CHD2: variants seen among roughly 807,000 people sequenced by gnomAD.
The protein encoded by CHD2 is ATP-dependent chromatin remodeler CHD2.
A neutral mutation model predicts 243.9 loss-of-function variants in CHD2; 28 were observed. That is an observed-to-expected ratio of 0.11 (90% CI 0.09 to 0.16). The LOEUF is 0.16. CHD2 is among the 10% of genes least tolerant of loss of function. The pLI, the probability that CHD2 is intolerant of heterozygous loss-of-function variation, is 1.00. For synonymous variants in CHD2, 775 were observed against 779.0 expected (o/e 0.99, Z 0.09); for missense variants, 1,386 against 2,209.8 (o/e 0.63, Z 7.47).
intron 2 of CHD2, among the ~76,000 whole-genome samples, chr15:92,908,562 C>T (rs2052666014): frequency 1.3e-5 from 2 of 152,262 alleles, no homozygotes; most frequent in South Asian, 4.1e-4. Flanking sequence ...CTCTGTGTTT[C>T]AAATTTGCAT....
At chr15:92,905,029 ATATATT>A (rs1034473064) in intron 2 of CHD2, 10 of 1,524,626 alleles carry the variant, frequency 6.6e-6, no homozygotes, top group African/African-American at 5.5e-5. Flanking sequence ...GCTAAGTACT[ATATATT>A]TAAGATTCAC....
At chr15:93,008,936 T>C (rs747137653) in intron 34 of CHD2, among the ~76,000 whole-genome samples, 1 of 152,174 alleles carries the variant, frequency 6.6e-6, no homozygotes, top group Non-Finnish European at 1.5e-5. Context: ...GGTTATCACA[T>C]AACTCTAAGC....
At position 93,024,322 on chromosome 15, in the gene CHD2, A is replaced by T. The variant is rs905220863; in HGVS notation, c.5154-50A>T. On this transcript the variant is annotated intron_variant, in intron 38 of 38. Transcript: ENST00000394196. ...CCAAGTGGGTAGTGAAGAGAAGTGG[A>T]TGGGAATCTGGCTTCAGTCTTTCGA... 3.9e-6 allele frequency: 6 copies of T among 1,536,602 alleles called. No homozygotes were observed. The East Asian group carries it at 1.4e-4, about 35-fold the overall frequency.
At chr15:93,001,493 C>T (rs756388743) in intron 32 of CHD2, among the ~76,000 whole-genome samples, 3 of 152,136 alleles carry the variant, frequency 2.0e-5, no homozygotes, top group African/African-American at 4.8e-5. Flanking sequence ...GGATTTGAGT[C>T]ATACATACAG....
intron 32 of CHD2, among the ~76,000 whole-genome samples, chr15:93,001,254 G>C (rs540678484): frequency 2.0e-5 from 3 of 152,292 alleles, no homozygotes; most frequent in African/African-American, 7.2e-5. Context: ...GTTAACCAGA[G>C]AGCTCATGCC....
chr15:92,943,348 C>A, intron 9 of CHD2: 1 of 374,198 alleles, frequency 2.7e-6, no homozygotes, highest in South Asian at 2.6e-5. Flanking sequence ...CTGTTATTAC[C>A]CATTTTGTAG....
chr15:93,020,677 A>C (rs72765615), intron 38 of CHD2: 2 of 275,386 alleles, frequency 7.3e-6, no homozygotes, highest in Non-Finnish European at 1.4e-5. Flanking sequence ...TCTTTACTTC[A>C]GTACAATGCC....
At chr15:92,953,281 C>A in intron 13 of CHD2, 76 bp from the exon 14 acceptor site, 2 of 1,163,826 alleles carry the variant, frequency 1.7e-6, no homozygotes, top group Admixed American at 1.9e-5. Context: ...GCATTGGTGT[C>A]GTTGCTGTTT....
At position 92,984,976 on chromosome 15, in the gene CHD2, C is replaced by T. The variant is rs567053675; in HGVS notation, c.3237+476C>T. ...CTATCTAATTTGATTTTTGTAACAA[C>T]ATTGAAATAGGTAGAACAAGTTTTT... On this transcript the variant is annotated intron_variant, in intron 25 of 38. Transcript: ENST00000394196. Among the ~76,000 whole-genome samples the T allele has an allele frequency of 6.6e-5, 10 of 152,292 alleles. No homozygotes were observed. The South Asian group carries it at 1.7e-3, about 25-fold the overall frequency.
intron 3 of CHD2, among the ~76,000 whole-genome samples, 182 bp downstream of exon 3, chr15:92,924,734 A>G (rs2053025338): frequency 6.6e-6 from 1 of 152,210 alleles, no homozygotes; most frequent in Non-Finnish European, 1.5e-5. Context: ...TATTAAGGAA[A>G]ATAAATGACC....
chr15:92,988,950 A>G (rs1341525189), intron 26 of CHD2, among the ~76,000 whole-genome samples: 1 of 151,440 alleles, frequency 6.6e-6, no homozygotes, highest in Non-Finnish European at 1.5e-5. Flanking sequence ...TTGTCTTATA[A>G]GCCTACATGC....
chr15:92,998,526 C>T lies in CHD2; in HGVS notation c.3913C>T (p.Pro1305Ser). ...KILPVETDKKPQGKQLQTRAD... is the reference protein window; with the variant it reads ...KILPVETDKKSQGKQLQTRAD... ...TCTGCCGGTGGAGACAGATAAAAAG[C>T]CTCAGGGGAAGCAGCTACAGACCCG... is the stretch of plus-strand genomic sequence containing the variant. The change falls in exon 31 of 39, where the codon CCT becomes TCT. Residue 1305 changes from proline (P) to serine (S), a missense_variant. Physicochemically the swap from Pro to Ser is moderately conservative, Grantham distance 74. This residue lies in a region of CHD2 where 99 missense variants were observed against 176.9 expected (regional missense o/e 0.56). Coordinates refer to ENST00000394196, the MANE Select transcript of CHD2 (RefSeq NM_001271.4). This position sits in a 1 kb window ranked among gnomAD's most constrained non-coding sequence, Gnocchi z 5.1. The T allele has an allele frequency of 6.2e-7, 1 of 1,613,856 alleles. No homozygotes were observed. Among genetic ancestry groups the T allele is most frequent in the Non-Finnish European group, 8.5e-7 (1 of 1,179,954 alleles).
At chr15:92,935,167 C>A (rs1233297841) in intron 5 of CHD2, among the ~76,000 whole-genome samples, 1 of 151,980 alleles carries the variant, frequency 6.6e-6, no homozygotes, top group Non-Finnish European at 1.5e-5. Flanking sequence ...TCCAGAGTAG[C>A]TGGGACTACG....
chr15:92,901,609 T>TG, intron 2 of CHD2: 1 of 436,170 alleles, frequency 2.3e-6, no homozygotes, highest in South Asian at 6.7e-5. Context: ...TTTAGGTTTT[T>TG]GTACTGCAGA....
rs145628074 is a variant in CHD2 at position 92,919,778 on chromosome 15, C to G, written c.63-4543C>G. Among the ~76,000 whole-genome samples the G allele has an allele frequency of 1.2e-4, 18 of 152,244 alleles. 1 individual carries two copies. The East Asian group carries it at 3.5e-3, about 29-fold the overall frequency. On this transcript the variant is annotated intron_variant, in intron 2 of 38. Coordinates refer to ENST00000394196, the MANE Select transcript of CHD2 (RefSeq NM_001271.4). ...CTTGCCGCCCTTGGTTTGGATTTGG[C>G]TCTCATGATTAGACTTACTTTAGAC...
chr15:92,998,654 G>T lies in CHD2; in HGVS notation c.4008+33G>T. ...CGCTGCCAGCTGGTTGTTTTTCAGG[G>T]GCCTGAGGCTCCTACCCTGCAGAAT... is the stretch of plus-strand genomic sequence containing the variant. On this transcript the variant is annotated intron_variant, in intron 31 of 38. Coordinates refer to ENST00000394196, the MANE Select transcript of CHD2 (RefSeq NM_001271.4). This position sits in a 1 kb window ranked among gnomAD's most constrained non-coding sequence, Gnocchi z 5.1. 1 of 1,605,764 alleles carries T rather than the reference G, an allele frequency of 6.2e-7. No individual in the cohort carries two copies.
intron 22 of CHD2, among the ~76,000 whole-genome samples, chr15:92,980,576 T>C (rs1293762336): frequency 6.6e-6 from 1 of 152,216 alleles, no homozygotes; most frequent in Non-Finnish European, 1.5e-5. Context: ...CTTTCTGGCT[T>C]ACCCATGCAA....
intron 2 of CHD2, among the ~76,000 whole-genome samples, chr15:92,910,215 C>T (rs1033127366): frequency 6.6e-6 from 1 of 151,982 alleles, no homozygotes; most frequent in African/African-American, 2.4e-5. Flanking sequence ...GCCACGTTTC[C>T]CAGGCTGGTG....
chr15:93,019,585 G>A (rs1023325219), intron 37 of CHD2, among the ~76,000 whole-genome samples: 5 of 152,182 alleles, frequency 3.3e-5, no homozygotes, highest in African/African-American at 1.2e-4. Context: ...TACTTCAGCA[G>A]CATACCTACA....
Sources: allele counts gnomAD v4.1 joint callset (sites outside exome capture counted in the v4.1 genomes callset), GRCh38; gene constraint gnomAD v4.1.1; regional missense constraint gnomAD v4.1.1; non-coding constraint Gnocchi (gnomAD v3.1); transcripts MANE v1.5; gene names NCBI Gene and HGNC (gene_info 2026-07-23, HGNC 2026-07-21).